CHIT1: variants seen among roughly 807,000 people sequenced by gnomAD.
CHIT1 encodes chitinase 1.
A neutral mutation model predicts 52.0 loss-of-function variants in CHIT1; 47 were observed. That is an observed-to-expected ratio of 0.90 (90% CI 0.71 to 1.15). The LOEUF (loss-of-function observed/expected upper bound fraction) is 1.15. Among genes scored for constraint, CHIT1 ranks in the 50% most tolerant of loss-of-function variants. The pLI, the probability that CHIT1 is intolerant of heterozygous loss-of-function variation, is 0.00. For missense variants in CHIT1, 569 were observed against 583.0 expected (o/e 0.98, Z 0.25); for synonymous variants, 242 against 228.2 (o/e 1.06, Z -0.54).
Position 203,223,215 on chromosome 1 carries a change from C to T in CHIT1, c.525G>A (p.Lys175=), listed in dbSNP as rs577584015. Residue 175 remains lysine (K), a synonymous_variant, in exon 6 of 11, where the codon AAG becomes AAA. Coordinates refer to ENST00000367229, the MANE Select transcript of CHIT1 (RefSeq NM_003465.3). The part of the protein sequence containing the change: ...AFQQEAQTSG[K]ERLLLSAAVP... The stretch of plus-strand genomic sequence containing the variant: ...CCGCTGCACTCAGAAGAAGGCGTTC[C>T]TTCCCTGAGGTCTGGGCTTCCTGCT... 3 of 1,614,250 alleles carry T rather than the reference C, an allele frequency of 1.9e-6. No homozygotes were observed. Among genetic ancestry groups the T allele is most frequent in the South Asian group, 2.2e-5 (2 of 91,086 alleles).
chr1:203,225,768 T>G lies in CHIT1; in HGVS notation c.158A>C (p.His53Pro). The change falls in exon 3 of 11, where the codon CAC (histidine) becomes CCC (proline). Residue 53 changes from histidine (H) to proline (P), a missense_variant. Coordinates refer to ENST00000367229, the MANE Select transcript of CHIT1 (RefSeq NM_003465.3). ...CATGCCAGCGAAGGCGTAGATGAGGTGGGTGCAAAGGCTGGGGTCCAAGTC... is the reference window on the plus strand; with the variant it reads ...CATGCCAGCGAAGGCGTAGATGAGGGGGGTGCAAAGGCTGGGGTCCAAGTC... The part of the protein sequence containing the change: ...PKDLDPSLCT[H>P]LIYAFAGMTN... 6.2e-7 allele frequency: 1 copy of G among 1,613,910 alleles called. No individual in the cohort carries two copies.
chr1:203,219,686 C>T lies in CHIT1; in HGVS notation c.893G>A (p.Gly298Glu). The T allele has an allele frequency of 6.2e-7, 1 of 1,614,204 alleles. No individual in the cohort carries two copies. The highest frequency in any genetic ancestry group is 8.5e-7 in the Non-Finnish European group (1 of 1,180,030). ...SGTPGPFTKE[G>E]GMLAYYEVCS... ...TACTTCATAGTAGGCCAGCATCCCT[C>T]CTTCCTTGGTGAAGGGGCCTGGAGT... is the stretch of plus-strand genomic sequence containing the variant. Residue 298 changes from glycine (G) to glutamate (E), a missense_variant, in exon 8 of 11, where the codon GGA (glycine) becomes GAA (glutamate). Physicochemically the swap from Gly to Glu is moderately conservative, Grantham distance 98 (BLOSUM62 -2). Transcript: ENST00000367229.
Position 203,220,226 on chromosome 1 carries a change from T to C in CHIT1, c.730-377A>G, listed in dbSNP as rs371282471. 1.2e-3 allele frequency among the ~76,000 whole-genome samples: 184 copies of C among 152,306 alleles called. 1 individual carries two copies. The highest frequency in any genetic ancestry group is 4.2e-3 in the African/African-American group (176 of 41,560). On this transcript the variant is annotated intron_variant, in intron 7 of 10. Transcript: ENST00000367229. The stretch of plus-strand genomic sequence containing the variant: ...TATTTAACCTCACTGAACCTTGGTG[T>C]TCTGTCTGTAACATGGAAATAAGGA...
intron 3 of CHIT1, 83 bp downstream of exon 3, chr1:203,225,586 G>T: frequency 7.2e-7 from 1 of 1,389,588 alleles, no homozygotes. Flanking sequence ...GGACCTTAGT[G>T]CTGGAGAGGT....
chr1:203,227,200 G>T (rs1656958990), intron 2 of CHIT1, among the ~76,000 whole-genome samples: 1 of 152,162 alleles, frequency 6.6e-6, no homozygotes, highest in Non-Finnish European at 1.5e-5. Context: ...CTGACCTTGG[G>T]CATACACGTG....
At chr1:203,222,750 T>C (rs577288030) in intron 6 of CHIT1, among the ~76,000 whole-genome samples, 1 of 152,264 alleles carries the variant, frequency 6.6e-6, no homozygotes, top group South Asian at 2.1e-4. Flanking sequence ...AATGAGCACC[T>C]GGTTTTAATG....
chr1:203,229,516 C>T, intron 1 of CHIT1, 96 bp downstream of exon 1: 4 of 1,447,154 alleles, frequency 2.8e-6, no homozygotes, highest in South Asian at 2.4e-5. Context: ...CCTGAGTCCT[C>T]CTGCTTCCTT....
chr1:203,225,939 C>T lies in CHIT1; in HGVS notation c.56-69G>A, dbSNP rs564972657. 242 of 1,530,246 alleles carry T rather than the reference C, an allele frequency of 1.6e-4. 4 individuals are homozygous for T. In the South Asian group the frequency reaches 2.6e-3, roughly 17 times the overall value. 94.8% of individuals were successfully genotyped at this position (1,530,246 alleles called of 1,614,324 possible). ...CTTCTGGGGACTGGTCACCCTCCAT[C>T]TGGGGTAGGCAATGTCCTTGGACCT... On this transcript the variant is annotated intron_variant, in intron 2 of 10. Coordinates refer to ENST00000367229, the MANE Select transcript of CHIT1 (RefSeq NM_003465.3).
chr1:203,221,981 T>C (rs551611853), intron 7 of CHIT1, among the ~76,000 whole-genome samples: 1 of 152,324 alleles, frequency 6.6e-6, no homozygotes, highest in Admixed American at 6.5e-5. Flanking sequence ...ATTTGCTGCC[T>C]CTACCATCAG....
At chr1:203,226,160 G>T (rs1042140790) in intron 2 of CHIT1, among the ~76,000 whole-genome samples, 1 of 152,216 alleles carries the variant, frequency 6.6e-6, no homozygotes, top group Admixed American at 6.5e-5. Flanking sequence ...CGAGCTTGGG[G>T]CCCGTCCCCA....
intron 6 of CHIT1, 68 bp from the exon 7 acceptor site, chr1:203,222,393 T>A: frequency 6.2e-7 from 1 of 1,609,194 alleles, no homozygotes; most frequent in Non-Finnish European, 8.5e-7. Flanking sequence ...TCTTTCTCAC[T>A]CCTACCCCCT....
At chr1:203,218,486 C>T (rs1334138911) in intron 9 of CHIT1, among the ~76,000 whole-genome samples, 3 of 152,118 alleles carry the variant, frequency 2.0e-5, no homozygotes, top group Non-Finnish European at 4.4e-5. Flanking sequence ...CTCTACCTGC[C>T]CTGCTTGGGG....
rs1656530611 is a variant in CHIT1, at chr1:203,216,438, TCCAGGCTTCTGAGCCAATAA to T, written c.*431_*450del. The T allele has an allele frequency of 2.2e-6, 1 of 455,042 alleles. No individual in the cohort carries two copies. Among genetic ancestry groups the T allele is most frequent in the South Asian group, 1.6e-5 (1 of 64,476 alleles). The allele number at this position is 455,042 out of a possible 1,614,324, so 28.2% of individuals were successfully genotyped here. ...GTGAAGGTCCGCAGAAGCTCCTGTT[TCCAGGCTTCTGAGCCAATAA>T]CCAAAGAACGTGTTGCACTTGGGGC... On this transcript the variant is annotated 3_prime_UTR_variant, in exon 11 of 11. Coordinates refer to ENST00000367229, the MANE Select transcript of CHIT1 (RefSeq NM_003465.3).
chr1:203,216,989 C>T lies in CHIT1; in HGVS notation c.1301G>A (p.Arg434Gln), dbSNP rs762782642. ...ADGLYPNPRE[R>Q]SSFYSCAAGR... ...CGCTGCACAGCTGTAGAAGCTGGACCGTTCCCGAGGATTGGGATAGAGCCC... is the reference window on the plus strand; with the variant it reads ...CGCTGCACAGCTGTAGAAGCTGGACTGTTCCCGAGGATTGGGATAGAGCCC... Residue 434 changes from arginine to glutamine, a missense_variant, in exon 11 of 11, where the codon CGG becomes CAG. Physicochemically the swap from Arg to Gln is conservative, Grantham distance 43 (BLOSUM62 1). Coordinates refer to ENST00000367229, the MANE Select transcript of CHIT1 (RefSeq NM_003465.3). 11 of 1,614,196 alleles carry T rather than the reference C, an allele frequency of 6.8e-6. No homozygotes were observed. The highest frequency in any genetic ancestry group is 2.2e-5 in the East Asian group (1 of 44,892).
Position 203,223,773 on chromosome 1 carries a change from G to C in CHIT1, c.315-113C>G. 2.7e-6 allele frequency: 3 copies of C among 1,125,584 alleles called. No homozygotes were observed. The South Asian group carries it at 3.7e-5, about 14-fold the overall frequency. The allele number at this position is 1,125,584 out of a possible 1,614,324, so 69.7% of individuals were successfully genotyped here. ...ACAGTGCGTCTCTGTGTCTGGGCTAGGAGGGGCACTGGGAGGGCTGCTTCA... is the reference window on the plus strand; with the variant it reads ...ACAGTGCGTCTCTGTGTCTGGGCTACGAGGGGCACTGGGAGGGCTGCTTCA... On this transcript the variant is annotated intron_variant, in intron 4 of 10. Transcript: ENST00000367229.
intron 7 of CHIT1, among the ~76,000 whole-genome samples, chr1:203,221,335 C>T (rs899103171): frequency 7.2e-5 from 11 of 152,076 alleles, no homozygotes; most frequent in African/African-American, 2.7e-4. Context: ...ATATAGAGGG[C>T]TTATAAAAAG....
intron 2 of CHIT1, among the ~76,000 whole-genome samples, chr1:203,226,431 C>A (rs1291332924): frequency 6.6e-6 from 1 of 152,188 alleles, no homozygotes; most frequent in Non-Finnish European, 1.5e-5. Context: ...GCAGAACTTT[C>A]AAAAACGGTT....
chr1:203,229,726 C>G (rs1412265608), upstream of CHIT1: 1 of 1,521,710 alleles, frequency 6.6e-7, no homozygotes, highest in African/African-American at 1.4e-5. Context: ...CCACCCCAGC[C>G]AGGAGTGTTG....
chr1:203,229,460 C>T, intron 1 of CHIT1, 152 bp downstream of exon 1: 1 of 830,450 alleles, frequency 1.2e-6, no homozygotes, highest in Non-Finnish European at 2.0e-6. Context: ...CAAGGGACTG[C>T]AAGCCAGGAG....
Sources: allele counts gnomAD v4.1 joint callset (sites outside exome capture counted in the v4.1 genomes callset), GRCh38; gene constraint gnomAD v4.1.1; transcripts MANE v1.5; gene names NCBI Gene and HGNC (gene_info 2026-07-23, HGNC 2026-07-21).